ARF4: variants seen among roughly 807,000 people sequenced by gnomAD.
ARF4 encodes ADP-ribosylation factor 4.
ARF4 carries 5 observed loss-of-function variants against 24.3 expected under a neutral mutation model. The observed-to-expected ratio is 0.21, with a 90% CI of 0.11 to 0.43. The LOEUF is 0.43. Ranked by LOEUF, ARF4 falls within the 20% of genes least tolerant of loss-of-function variation. The probability of loss-of-function intolerance (pLI) is 1.00; values close to 1 mark genes in which losing one functional copy is unlikely to be tolerated. For synonymous variants in ARF4, 62 were observed against 73.5 expected, an observed-to-expected ratio of 0.84 and a Z score of 0.80; for missense variants, 107 against 213.0, an observed-to-expected ratio of 0.50 and a Z score of 3.10.
Position 57,597,177 on chromosome 3 carries a change from G to C in ARF4, c.-37C>G, listed in dbSNP as rs905752760. 11 of 1,590,354 alleles carry C rather than the reference G, an allele frequency of 6.9e-6. No homozygotes were observed. The African/African-American group carries it at 8.1e-5, about 12-fold the overall frequency. On this transcript the variant is annotated 5_prime_UTR_variant, in exon 1 of 6. Transcript: ENST00000303436. ...CACTTGTGATGGGCAGAAGCAGAAGGGGTTTGGGGCGACCCCGTGCTTTCT... is the reference window on the plus strand; with the variant it reads ...CACTTGTGATGGGCAGAAGCAGAAGCGGTTTGGGGCGACCCCGTGCTTTCT...
rs372364240 is a variant in ARF4, at chr3:57,572,477, T to C, written c.457-179A>G. On this transcript the variant is annotated intron_variant, in intron 5 of 5. Transcript: ENST00000303436. Reference sequence around the variant, plus strand: ...GCTCACACCTATAAATCCCAGCACTTTGGGAGGCGGAGATGGGAGGATCAC... The same window carrying C: ...GCTCACACCTATAAATCCCAGCACTCTGGGAGGCGGAGATGGGAGGATCAC... Among the ~76,000 whole-genome samples, 12 of 152,246 alleles carry C rather than the reference T, an allele frequency of 7.9e-5. No homozygotes were observed. In the East Asian group the frequency reaches 1.7e-3, roughly 22 times the overall value.
At chr3:57,594,596 C>T (rs577218370) in intron 1 of ARF4, among the ~76,000 whole-genome samples, 53 of 152,222 alleles carry the variant, frequency 3.5e-4, no homozygotes, top group African/African-American at 1.1e-3. Context: ...AGCAGGTGTA[C>T]GAATTAAATT....
At chr3:57,577,417 A>T (rs763007106) in intron 3 of ARF4, 30 bp from the exon 4 acceptor site, 1 of 1,571,506 alleles carries the variant, frequency 6.4e-7, no homozygotes, top group Non-Finnish European at 8.8e-7. Context: ...GTAAATTTTA[A>T]CAGTTAAACG....
At chr3:57,593,870 C>G (rs1015774589) in intron 1 of ARF4, among the ~76,000 whole-genome samples, 3 of 152,026 alleles carry the variant, frequency 2.0e-5, no homozygotes, top group Non-Finnish European at 4.4e-5. Flanking sequence ...CAAAAAATGT[C>G]AAAAATTAGC....
chr3:57,586,657 A>C (rs942197118), intron 1 of ARF4, among the ~76,000 whole-genome samples: 2 of 152,172 alleles, frequency 1.3e-5, no homozygotes, highest in African/African-American at 4.8e-5. Context: ...TAATAATAAA[A>C]ACCAACTGTT....
intron 3 of ARF4, among the ~76,000 whole-genome samples, chr3:57,582,270 T>C (rs2069983300): frequency 6.6e-6 from 1 of 151,554 alleles, no homozygotes. Context: ...TGAGACAGAG[T>C]CTCGCTTTGT....
At chr3:57,582,224 T>A (rs569231648) in intron 3 of ARF4, among the ~76,000 whole-genome samples, 1 of 152,276 alleles carries the variant, frequency 6.6e-6, no homozygotes, top group Non-Finnish European at 1.5e-5. Flanking sequence ...CACAGCTATA[T>A]TGATGACCAT....
At chr3:57,596,742 G>A in intron 1 of ARF4, 1 of 293,550 alleles carries the variant, frequency 3.4e-6, no homozygotes, top group Middle Eastern at 1.1e-3. Context: ...CCCCAGAAAG[G>A]GCCTCGCCAA....
intron 3 of ARF4, 31 bp from the exon 4 acceptor site, chr3:57,577,418 C>A: frequency 6.4e-7 from 1 of 1,561,198 alleles, no homozygotes; most frequent in Non-Finnish European, 8.8e-7. Flanking sequence ...TAAATTTTAA[C>A]AGTTAAACGA....
At chr3:57,583,869 A>T in intron 3 of ARF4, 29 bp downstream of exon 3, 22 of 1,463,830 alleles carry the variant, frequency 1.5e-5, no homozygotes, top group Non-Finnish European at 2.1e-5. Context: ...CCACAAAGAA[A>T]AGTTATAAAA....
At position 57,595,546 on chromosome 3, in the gene ARF4, C is replaced by A. The variant is rs533709033; in HGVS notation, c.67+1528G>T. 7.9e-5 allele frequency among the ~76,000 whole-genome samples: 12 copies of A among 152,268 alleles called. No individual in the cohort carries two copies. In the East Asian group the frequency reaches 9.6e-4, roughly 12 times the overall value. ...ACAATTGATTCACAAAGTGTAAGTA[C>A]GCTAAGAGGAAAATAAACATGAGCC... On this transcript the variant is annotated intron_variant, in intron 1 of 5. Transcript: ENST00000303436.
At chr3:57,596,092 G>A (rs1311054090) in intron 1 of ARF4, among the ~76,000 whole-genome samples, 2 of 152,188 alleles carry the variant, frequency 1.3e-5, no homozygotes, top group Non-Finnish European at 2.9e-5. Flanking sequence ...GATGTAGACT[G>A]CTTACAGTAA....
chr3:57,574,018 TG>T (rs2069874189), intron 5 of ARF4, among the ~76,000 whole-genome samples: 1 of 152,014 alleles, frequency 6.6e-6, no homozygotes, highest in African/African-American at 2.4e-5. Flanking sequence ...CTCGGCTCAC[TG>T]CAACCTCTGC....
chr3:57,576,124 G>GT (rs1442638629), intron 4 of ARF4, among the ~76,000 whole-genome samples: 28 of 152,188 alleles, frequency 1.8e-4, no homozygotes, highest in African/African-American at 6.7e-4. Flanking sequence ...GGTGTTGGCA[G>GT]TATCATGAAA....
At chr3:57,575,754 A>C (rs751218346) in intron 4 of ARF4, 81 bp from the exon 5 acceptor site, 1 of 1,366,656 alleles carries the variant, frequency 7.3e-7, no homozygotes, top group African/African-American at 1.5e-5. Context: ...TACTTTACTC[A>C]GCATTAAATA....
chr3:57,573,604 C>T (rs999097164), intron 5 of ARF4, among the ~76,000 whole-genome samples: 5 of 152,144 alleles, frequency 3.3e-5, no homozygotes, highest in Non-Finnish European at 5.9e-5. Context: ...TGTTTTGAGG[C>T]AGAGTACTCA....
chr3:57,581,476 T>C (rs1464780995), intron 3 of ARF4, among the ~76,000 whole-genome samples: 1 of 152,164 alleles, frequency 6.6e-6, no homozygotes, highest in African/African-American at 2.4e-5. Context: ...GGCTTAAGGA[T>C]TAGCAAGGTT....
At chr3:57,589,058 C>T (rs1469716454) in intron 1 of ARF4, among the ~76,000 whole-genome samples, 1 of 151,024 alleles carries the variant, frequency 6.6e-6, no homozygotes, top group African/African-American at 2.4e-5. Flanking sequence ...GCTGAGATCG[C>T]GCCATTACAC....
At chr3:57,587,533 C>G (rs912081969) in intron 1 of ARF4, among the ~76,000 whole-genome samples, 1 of 151,004 alleles carries the variant, frequency 6.6e-6, no homozygotes, top group Non-Finnish European at 1.5e-5. Flanking sequence ...TTTTTTTTTA[C>G]CCAAAAATCA....
Sources: gnomAD v4.1 joint callset for allele counts (sites outside exome capture counted in the v4.1 genomes callset) on GRCh38, gnomAD v4.1.1 for gene constraint, MANE v1.5 for transcripts, NCBI Gene and HGNC (gene_info 2026-07-23, HGNC 2026-07-21) for gene names.